The following MAP7 variants were observed in gnomAD, a reference collection of about 807,000 sequenced individuals.
MAP7 encodes the protein microtubule associated protein 7, also known as ensconsin.
A neutral mutation model predicts 94.8 loss-of-function variants in MAP7; 52 were observed. The ratio of observed to expected loss-of-function variants is 0.55; its 90% CI spans 0.44 to 0.69. The LOEUF (loss-of-function observed/expected upper bound fraction) is 0.69. Ranked by LOEUF, MAP7 falls within the 30% of genes least tolerant of loss-of-function variation. The probability of loss-of-function intolerance (pLI) is 0.00; values close to 1 mark genes in which losing one functional copy is unlikely to be tolerated. For missense variants in MAP7, 940 were observed against 964.6 expected, an observed-to-expected ratio of 0.97 and a Z score of 0.34; for synonymous variants, 350 against 357.0, an observed-to-expected ratio of 0.98 and a Z score of 0.22.
intron 1 of MAP7, among the ~76,000 whole-genome samples, chr6:136,485,960 GACAA>G (rs144599991): frequency 0.019 from 2,858 of 152,234 alleles, 75 homozygotes; most frequent in African/African-American, 0.065. Context: ...ACAAGTTGTG[GACAA>G]ACATTTTTTT....
At chr6:136,415,694 T>C (rs1426059327) in intron 2 of MAP7, among the ~76,000 whole-genome samples, 1 of 152,260 alleles carries the variant, frequency 6.6e-6, no homozygotes, top group Non-Finnish European at 1.5e-5. Context: ...ACTCTTCGCA[T>C]GTAACAAACT....
intron 10 of MAP7, among the ~76,000 whole-genome samples, chr6:136,363,060 T>G (rs1271199367): frequency 6.6e-6 from 1 of 152,234 alleles, no homozygotes; most frequent in Non-Finnish European, 1.5e-5. Flanking sequence ...TGTCTTTTAT[T>G]GCATTTGAAA....
At chr6:136,425,668 G>A (rs1207368846) in intron 1 of MAP7, among the ~76,000 whole-genome samples, 1 of 152,026 alleles carries the variant, frequency 6.6e-6, no homozygotes, top group Non-Finnish European at 1.5e-5. Flanking sequence ...TATCCAATGT[G>A]ATTTATAAAA....
chr6:136,466,109 AT>A (rs1806949696), intron 1 of MAP7, among the ~76,000 whole-genome samples: 1 of 152,222 alleles, frequency 6.6e-6, no homozygotes. Flanking sequence ...CACTGTTTAC[AT>A]ATCATGAAAA....
chr6:136,528,440 A>G (rs1828199142), intron 1 of MAP7, among the ~76,000 whole-genome samples: 1 of 152,368 alleles, frequency 6.6e-6, no homozygotes, highest in South Asian at 2.1e-4. Flanking sequence ...ATATCATACT[A>G]TTTGTGAAAT....
At chr6:136,459,647 A>G (rs1804530775) in intron 1 of MAP7, among the ~76,000 whole-genome samples, 2 of 152,302 alleles carry the variant, frequency 1.3e-5, no homozygotes, top group Non-Finnish European at 1.5e-5. Context: ...TAAGCCAATC[A>G]CAGAAGGACA....
At chr6:136,367,881 C>CTT (rs11403174) in intron 8 of MAP7, among the ~76,000 whole-genome samples, 22 of 150,672 alleles carry the variant, frequency 1.5e-4, no homozygotes, top group Non-Finnish European at 2.4e-4. Context: ...AGTAGCCCTT[C>CTT]TTTTTTTTTC....
intron 1 of MAP7, among the ~76,000 whole-genome samples, chr6:136,522,197 G>A (rs1826577605): frequency 6.6e-6 from 1 of 152,214 alleles, no homozygotes; most frequent in Non-Finnish European, 1.5e-5. Context: ...CCTGAAGTCA[G>A]CATTACAAGG....
intron 15 of MAP7, 122 bp from the exon 16 acceptor site, chr6:136,356,916 T>C (rs986200745): frequency 1.1e-5 from 8 of 704,034 alleles, no homozygotes; most frequent in African/African-American, 3.5e-5. Flanking sequence ...TGTGAGACCT[T>C]GGGCACATCA....
At chr6:136,478,906 G>GA (rs1811802793) in intron 1 of MAP7, among the ~76,000 whole-genome samples, 1 of 117,360 alleles carries the variant, frequency 8.5e-6, no homozygotes, top group Admixed American at 1.0e-4. Flanking sequence ...ATTTTTTCCA[G>GA]AAAAAAAAGT....
intron 15 of MAP7, 105 bp downstream of exon 15, chr6:136,359,715 C>T: frequency 2.7e-5 from 28 of 1,049,200 alleles, no homozygotes; most frequent in Non-Finnish European, 3.9e-5. Flanking sequence ...AGTCTGTAAG[C>T]ACTGGATCTT....
At chr6:136,401,141 G>A (rs1314457951) in intron 3 of MAP7, among the ~76,000 whole-genome samples, 1 of 152,170 alleles carries the variant, frequency 6.6e-6, no homozygotes, top group Non-Finnish European at 1.5e-5. Flanking sequence ...TTGAGCTCAG[G>A]AGTTTGAGAC....
intron 1 of MAP7, among the ~76,000 whole-genome samples, chr6:136,488,455 T>C (rs951319556): frequency 1.3e-5 from 2 of 151,004 alleles, no homozygotes; most frequent in Non-Finnish European, 3.0e-5. Context: ...TTTTTTTTTT[T>C]TTTTTTTTGA....
intron 6 of MAP7, among the ~76,000 whole-genome samples, chr6:136,381,323 T>G (rs570684445): frequency 1.3e-5 from 2 of 152,088 alleles, no homozygotes; most frequent in South Asian, 4.2e-4. Context: ...GGACTACAGG[T>G]GCACACCATC....
At chr6:136,525,442 A>G (rs1827570362) in intron 1 of MAP7, among the ~76,000 whole-genome samples, 1 of 152,214 alleles carries the variant, frequency 6.6e-6, no homozygotes, top group Admixed American at 6.5e-5. Context: ...CTTCATTAAA[A>G]TAAGCAAAAA....
chr6:136,462,933 C>T (rs751969146), intron 1 of MAP7, among the ~76,000 whole-genome samples: 13 of 135,494 alleles, frequency 9.6e-5, no homozygotes, highest in Non-Finnish European at 2.0e-4. Flanking sequence ...CCAGCCTGGG[C>T]GACAGAGTGA....
At chr6:136,349,846 G>A (rs1788667661) in intron 16 of MAP7, among the ~76,000 whole-genome samples, 1 of 152,118 alleles carries the variant, frequency 6.6e-6, no homozygotes, top group South Asian at 2.1e-4. Flanking sequence ...GTGAGGAGTA[G>A]GGTTCAGGAT....
chr6:136,496,061 T>A (rs1474701982), intron 1 of MAP7, among the ~76,000 whole-genome samples: 3 of 152,202 alleles, frequency 2.0e-5, no homozygotes, highest in African/African-American at 7.2e-5. Context: ...ATAACTTACA[T>A]CCCCAAACCA....
intron 6 of MAP7, among the ~76,000 whole-genome samples, chr6:136,383,138 C>T (rs1778255696): frequency 6.6e-6 from 1 of 152,008 alleles, no homozygotes; most frequent in Non-Finnish European, 1.5e-5. Flanking sequence ...AGGCCAGATC[C>T]CTCAAGAGTT....
Sources: gnomAD v4.1 joint callset for allele counts (sites outside exome capture counted in the v4.1 genomes callset) on GRCh38, gnomAD v4.1.1 for gene constraint, MANE v1.5 for transcripts, NCBI Gene and HGNC (gene_info 2026-07-23, HGNC 2026-07-21) for gene names.